The following A2ML1 variants were observed in gnomAD, a reference collection of about 807,000 sequenced individuals.
A2ML1 encodes alpha-2-macroglobulin-like protein 1.
Under a neutral mutation model 181.9 loss-of-function variants are expected in A2ML1, and 161 were observed. That is an observed-to-expected ratio of 0.89 (90% CI 0.78 to 1.01). The LOEUF is 1.01. A2ML1 is among the 50% of genes least tolerant of loss of function. The pLI, the probability that A2ML1 is intolerant of heterozygous loss-of-function variation, is 0.00. For missense variants in A2ML1, 1,670 were observed against 1,768.1 expected (o/e 0.94, Z 1.00); for synonymous variants, 663 against 666.8 (o/e 0.99, Z 0.09).
chr12:8,874,139 C>T (rs1050108689), intron 33 of A2ML1, among the ~76,000 whole-genome samples: 4 of 152,100 alleles, frequency 2.6e-5, no homozygotes, highest in Non-Finnish European at 5.9e-5. Flanking sequence ...CCTCAGCCTC[C>T]TGAGTAGCTG....
In A2ML1 at chr12:8,868,034, G is replaced by A. The variant is rs1203697261; in HGVS notation, c.3910G>A (p.Gly1304Ser). Reference protein sequence around the residue: ...VPGMYTLEASGQGCVYVQTVL... With the variant: ...VPGMYTLEASSQGCVYVQTVL... ...TGGAATGTACACGTTGGAGGCCTCA[G>A]GCCAGGGCTGTGTCTATGTGCAGGT... is the stretch of plus-strand genomic sequence containing the variant. Residue 1304 changes from glycine to serine, a missense_variant, in exon 30 of 36, where the codon GGC becomes AGC. By Grantham distance (56) the Gly-to-Ser change is moderately conservative. Coordinates refer to ENST00000299698, the MANE Select transcript of A2ML1 (RefSeq NM_144670.6). 13 of 1,614,116 alleles carry A rather than the reference G, an allele frequency of 8.1e-6. No homozygotes were observed. Among genetic ancestry groups the A allele is most frequent in the African/African-American group, 1.3e-5 (1 of 74,956 alleles).
Position 8,852,436 on chromosome 12 carries a change from C to T in A2ML1, c.2590+100C>T. 4.6e-6 allele frequency: 7 copies of T among 1,521,098 alleles called. No individual in the cohort carries two copies. Among genetic ancestry groups the T allele is most frequent in the South Asian group, 3.8e-5 (3 of 79,532 alleles). The allele number at this position is 1,521,098 out of a possible 1,614,324, so 94.2% of individuals were successfully genotyped here. A position where few individuals can be genotyped will look rare whatever the true frequency, so the allele number is the denominator to read the frequency against. On this transcript the variant is annotated intron_variant, in intron 20 of 35. Coordinates refer to ENST00000299698, the MANE Select transcript of A2ML1 (RefSeq NM_144670.6). The surrounding 1 kb of genome is among the most constrained non-coding windows in gnomAD (Gnocchi z 4.2). ...CTCTGCCACATCTGCTTTGCTTCCT[C>T]CTCCATTTTCCACTATTTTTCTCCC... is the stretch of plus-strand genomic sequence containing the variant.
chr12:8,823,767 G>C lies in A2ML1; in HGVS notation c.294G>C (p.Val98=). ...CAGAAGAAGTGGCCACAATCCGGGT[G>C]TCGGGAGTTGGAAATAACATCAGCT... is the stretch of plus-strand genomic sequence containing the variant. ...GGTEEVATIR[V]SGVGNNISFE... is the part of the protein sequence containing the mutation. The change falls in exon 3 of 36, where the codon GTG becomes GTC. Residue 98 remains valine (V), a synonymous_variant. Transcript: ENST00000299698. The C allele has an allele frequency of 1.2e-6, 2 of 1,614,132 alleles. No individual in the cohort carries two copies. Among genetic ancestry groups the C allele is most frequent in the Non-Finnish European group, 1.7e-6 (2 of 1,180,024 alleles).
Position 8,859,853 on chromosome 12 carries a change from A to G in A2ML1, c.3265-1028A>G, listed in dbSNP as rs990885511. Reference sequence around the variant, plus strand: ...AGTGCTGGGATTACAAGCGTGACCTATGCGTGCCCAGCCTCTTCCTACTTT... The same window carrying G: ...AGTGCTGGGATTACAAGCGTGACCTGTGCGTGCCCAGCCTCTTCCTACTTT... On this transcript the variant is annotated intron_variant, in intron 26 of 35. Transcript: ENST00000299698. 2.6e-4 allele frequency among the ~76,000 whole-genome samples: 40 copies of G among 152,070 alleles called. 1 individual carries two copies. The highest frequency in any genetic ancestry group is 6.8e-3 in the Middle Eastern group (2 of 294).
intron 3 of A2ML1, among the ~76,000 whole-genome samples, chr12:8,829,391 G>A (rs910594183): frequency 3.9e-5 from 6 of 152,136 alleles, no homozygotes; most frequent in Non-Finnish European, 8.8e-5. Flanking sequence ...GGCGGAGCGC[G>A]GTGGCTCACG....
chr12:8,833,358 C>A (rs1355860138), intron 4 of A2ML1, among the ~76,000 whole-genome samples: 4 of 152,056 alleles, frequency 2.6e-5, no homozygotes, highest in Non-Finnish European at 5.9e-5. Context: ...ATTCTTGATC[C>A]CTGTGTGAGA....
downstream of A2ML1, among the ~76,000 whole-genome samples, chr12:8,881,761 C>T (rs768429726): frequency 6.6e-6 from 1 of 152,278 alleles, no homozygotes; most frequent in East Asian, 1.9e-4. Flanking sequence ...CCTGTAATCA[C>T]AGCACTTTGG....
intron 35 of A2ML1, chr12:8,875,376 C>A: frequency 5.6e-6 from 1 of 179,994 alleles, no homozygotes; most frequent in Non-Finnish European, 1.2e-5. Flanking sequence ...CCACACTCAG[C>A]CCTGTTATTG....
At chr12:8,851,668 A>G in intron 18 of A2ML1, 116 bp from the exon 19 acceptor site, 1 of 944,530 alleles carries the variant, frequency 1.1e-6, no homozygotes, top group Non-Finnish European at 1.6e-6. Flanking sequence ...AGCCTCTCAA[A>G]GAGCTGGGAT....
chr12:8,828,679 C>G (rs1391338774), intron 3 of A2ML1, among the ~76,000 whole-genome samples: 4 of 152,186 alleles, frequency 2.6e-5, no homozygotes, highest in African/African-American at 9.6e-5. Context: ...AGGAGTCTCT[C>G]CCCATAGTCA....
chr12:8,858,164 C>A, intron 26 of A2ML1, 62 bp downstream of exon 26: 2 of 1,542,706 alleles, frequency 1.3e-6, no homozygotes. Flanking sequence ...CACCTCTGAC[C>A]GAGTAGAAGC....
chr12:8,847,846 A>G (rs1943748233), intron 15 of A2ML1, 148 bp downstream of exon 15: 1 of 1,141,964 alleles, frequency 8.8e-7, no homozygotes, highest in Non-Finnish European at 1.2e-6. Flanking sequence ...ATGAAGTTAG[A>G]AAGTGTAAGA....
At position 8,838,341 on chromosome 12, in the gene A2ML1, C is replaced by T. The variant is rs61921916; in HGVS notation, c.861C>T (p.Asp287=). 6.5e-5 allele frequency: 105 copies of T among 1,612,606 alleles called. No individual in the cohort carries two copies. Among genetic ancestry groups the T allele is most frequent in the African/African-American group, 5.3e-4 (40 of 75,010 alleles). Residue 287 remains aspartate (D), a synonymous_variant, in exon 9 of 36, where the codon GAC becomes GAT. Transcript: ENST00000299698. ...GTCTCTGATCACCTCACTAGACTGA[C>T]AAAACAGGATGTTTCTCAGCACCTG... ...DKCRNLSGQT[D]KTGCFSAPVD...
Position 8,869,202 on chromosome 12 carries a change from A to C in A2ML1, c.4220A>C (p.Glu1407Ala). 2 of 1,614,020 alleles carry C rather than the reference A, an allele frequency of 1.2e-6. No individual in the cohort carries two copies. Among genetic ancestry groups the C allele is most frequent in the Non-Finnish European group, 1.7e-6 (2 of 1,179,948 alleles). The change falls in exon 33 of 36, where the codon GAG (glutamate) becomes GCG (alanine). Residue 1407 changes from glutamate to alanine, a missense_variant and splice_region_variant. Coordinates refer to ENST00000299698, the MANE Select transcript of A2ML1 (RefSeq NM_144670.6). ...GACACACTTAACATTTACTTGGATGAGGTAGGTATTCAGGAACCAGATCAA... is the reference window on the plus strand; with the variant it reads ...GACACACTTAACATTTACTTGGATGCGGTAGGTATTCAGGAACCAGATCAA... ...GTDTLNIYLD[E>A]LIKNTQTYTF...
At chr12:8,862,971 T>C (rs1477768993) in intron 28 of A2ML1, among the ~76,000 whole-genome samples, 1 of 152,194 alleles carries the variant, frequency 6.6e-6, no homozygotes, top group Non-Finnish European at 1.5e-5. Flanking sequence ...GTCACAGAGG[T>C]TTCTTTTGGT....
intron 7 of A2ML1, among the ~76,000 whole-genome samples, chr12:8,881,964 T>C (rs1351382064): frequency 1.3e-5 from 2 of 151,750 alleles, no homozygotes; most frequent in Non-Finnish European, 2.9e-5. Flanking sequence ...TGAGCCGAGA[T>C]TGCGCCACTG....
At position 8,835,809 on chromosome 12, in the gene A2ML1, C is replaced by T. The variant is rs187616584; in HGVS notation, c.643+143C>T. ...CGGGCAGATCATGAGGTCAGGAGAT[C>T]GAGACCACCCTGGCTAACACAGTGA... On this transcript the variant is annotated intron_variant, in intron 6 of 35. Coordinates refer to ENST00000299698, the MANE Select transcript of A2ML1 (RefSeq NM_144670.6). 4.8e-5 allele frequency: 45 copies of T among 943,200 alleles called. No homozygotes were observed. The East Asian group carries it at 5.0e-4, about 11-fold the overall frequency. The allele number at this position is 943,200 out of a possible 1,614,324, so 58.4% of individuals were successfully genotyped here.
intron 6 of A2ML1, 134 bp from the exon 7 acceptor site, chr12:8,836,121 A>G: frequency 4.4e-6 from 3 of 678,792 alleles, no homozygotes; most frequent in Non-Finnish European, 7.7e-6. Context: ...TACTTCAGGA[A>G]CATGCTACCT....
At chr12:8,857,644 C>T in intron 25 of A2ML1, 56 bp downstream of exon 25, 1 of 1,554,726 alleles carries the variant, frequency 6.4e-7, no homozygotes, top group South Asian at 1.2e-5. Context: ...TTCCTGAGCC[C>T]TCTGGAACTA....
Sources: allele counts gnomAD v4.1 joint callset (sites outside exome capture counted in the v4.1 genomes callset), GRCh38; gene constraint gnomAD v4.1.1; non-coding constraint Gnocchi (gnomAD v3.1); transcripts MANE v1.5; gene names NCBI Gene and HGNC (gene_info 2026-07-23, HGNC 2026-07-21).